Variants in ANKH observed in about 807,000 individuals in gnomAD.
The protein encoded by ANKH is mineralization regulator ANKH.
ANKH carries 15 observed loss-of-function variants against 49.0 expected under a neutral mutation model. The ratio of observed to expected loss-of-function variants is 0.31; its 90% CI spans 0.20 to 0.47. The LOEUF (loss-of-function observed/expected upper bound fraction) is 0.47, where lower values mean the gene tolerates loss of function less well. ANKH is among the 20% of genes least tolerant of loss of function. The pLI is 1.00. For missense variants in ANKH, 429 were observed against 652.0 expected (o/e 0.66, Z 3.72); for synonymous variants, 273 against 260.0 (o/e 1.05, Z -0.48).
chr5:14,724,650 G>A, intron 8 of ANKH: 1 of 891,020 alleles, frequency 1.1e-6, no homozygotes, highest in Non-Finnish European at 1.3e-6. Flanking sequence ...CTTGCAGAGT[G>A]GGCCATGCAT....
intron 1 of ANKH, among the ~76,000 whole-genome samples, chr5:14,769,679 T>A (rs1170369432): frequency 6.6e-6 from 1 of 152,044 alleles, no homozygotes; most frequent in Non-Finnish European, 1.5e-5. Context: ...ATACTGTGTA[T>A]GTGTTATGTA....
At chr5:14,791,841 C>G (rs258219) in intron 1 of ANKH, among the ~76,000 whole-genome samples, 116,056 of 152,120 alleles carry the variant, frequency 0.76, 44,390 homozygotes, top group South Asian at 0.86. Context: ...TACTTGAAGG[C>G]GCTCATCCAG....
chr5:14,842,281 G>A (rs181580205), intron 1 of ANKH, among the ~76,000 whole-genome samples: 7 of 152,192 alleles, frequency 4.6e-5, no homozygotes, highest in African/African-American at 1.2e-4. Flanking sequence ...CTGCACCTGC[G>A]GGGCCTGGAG....
At chr5:14,793,029 TATATAAAA>T (rs1348478885) in intron 1 of ANKH, among the ~76,000 whole-genome samples, 2 of 77,980 alleles carry the variant, frequency 2.6e-5, no homozygotes, top group East Asian at 4.9e-4. Context: ...TAAATATATA[TATATAAAA>T]ATATATATAT....
intron 1 of ANKH, among the ~76,000 whole-genome samples, chr5:14,778,009 C>T (rs1266215481): frequency 6.6e-6 from 1 of 152,186 alleles, no homozygotes; most frequent in Non-Finnish European, 1.5e-5. Context: ...CTCCAGTGAA[C>T]AGCACCTCCC....
intron 1 of ANKH, among the ~76,000 whole-genome samples, chr5:14,778,287 G>T (rs1739695829): frequency 6.6e-6 from 1 of 152,124 alleles, no homozygotes; most frequent in Admixed American, 6.5e-5. Flanking sequence ...TAGCCATATT[G>T]CTCTCTCATC....
intron 8 of ANKH, among the ~76,000 whole-genome samples, chr5:14,728,798 C>G (rs933231767): frequency 2.0e-5 from 3 of 152,218 alleles, no homozygotes; most frequent in African/African-American, 7.2e-5. Flanking sequence ...ATTCTGCTAC[C>G]TTCTAGCACA....
intron 8 of ANKH, among the ~76,000 whole-genome samples, chr5:14,736,974 G>A (rs1449542464): frequency 6.6e-6 from 1 of 152,228 alleles, no homozygotes; most frequent in East Asian, 1.9e-4. Context: ...GGGAGCTTGA[G>A]AAGATAAACA....
intron 2 of ANKH, among the ~76,000 whole-genome samples, chr5:14,761,877 T>C (rs1739097873): frequency 1.3e-5 from 2 of 151,998 alleles, no homozygotes; most frequent in Admixed American, 6.5e-5. Flanking sequence ...GCAATTCTCC[T>C]GTCTCAGCCT....
intron 1 of ANKH, among the ~76,000 whole-genome samples, chr5:14,808,305 A>G (rs575331490): frequency 1.1e-3 from 168 of 152,190 alleles, no homozygotes; most frequent in South Asian, 2.7e-3. Context: ...GTGATCTTTG[A>G]CCAAAAGCCA....
At chr5:14,712,433 T>G (rs1236458566) in intron 11 of ANKH, among the ~76,000 whole-genome samples, 1 of 152,366 alleles carries the variant, frequency 6.6e-6, no homozygotes, top group South Asian at 2.1e-4. Context: ...TCGGACTGCA[T>G]CTCTGCTCCG....
At chr5:14,758,718 G>C (rs1738981853) in intron 2 of ANKH, 120 bp from the exon 3 acceptor site, 2 of 819,716 alleles carry the variant, frequency 2.4e-6, no homozygotes, top group East Asian at 2.5e-5. Flanking sequence ...AGAAAAATTA[G>C]ATAAGCAAAT....
At chr5:14,833,968 G>A (rs908733909) in intron 1 of ANKH, among the ~76,000 whole-genome samples, 1 of 152,222 alleles carries the variant, frequency 6.6e-6, no homozygotes, top group East Asian at 1.9e-4. Flanking sequence ...GAATTGCACG[G>A]GGCTTACGTG....
intron 1 of ANKH, among the ~76,000 whole-genome samples, chr5:14,830,894 G>A (rs1203727961): frequency 6.6e-6 from 1 of 152,154 alleles, no homozygotes; most frequent in East Asian, 1.9e-4. Flanking sequence ...CAGGACTGAG[G>A]GTCACAGCCC....
intron 8 of ANKH, among the ~76,000 whole-genome samples, chr5:14,724,958 A>G (rs1737780545): frequency 1.3e-5 from 2 of 152,234 alleles, no homozygotes; most frequent in Admixed American, 6.5e-5. Context: ...TTATCCCTGC[A>G]GTTAGAAAAA....
rs773388808 is a variant in ANKH at position 14,709,765 on chromosome 5, GATACA to G, written c.*1427_*1431del. On this transcript the variant is annotated 3_prime_UTR_variant, in exon 12 of 12. Coordinates refer to ENST00000284268, the MANE Select transcript of ANKH (RefSeq NM_054027.6). ...CTGCCAATAAGGTACAATGTTCATT[GATACA>G]ATACGTTTCAACTGCAGGTATGTTG... The G allele has an allele frequency of 1.3e-5, 2 of 152,588 alleles. No homozygotes were observed. The highest frequency in any genetic ancestry group is 2.1e-4 in the South Asian group (1 of 4,838). 9.5% of individuals were successfully genotyped at this position (152,588 alleles called of 1,614,324 possible).
Position 14,712,967 on chromosome 5 carries a change from G to A in ANKH, c.1272C>T (p.His424=), listed in dbSNP as rs201295416. ...GGGAGCCCACGCCCAGGGTCGCACC[G>A]TGCACCCTGCAGATGAGAACACAAA... ...SLVVLPYLGV[H]GATLGVGSLL... is the part of the protein sequence containing the mutation. The change falls in exon 11 of 12, where the codon CAC becomes CAT. Residue 424 remains histidine (H), a synonymous_variant. Coordinates refer to ENST00000284268, the MANE Select transcript of ANKH (RefSeq NM_054027.6). 1.4e-4 allele frequency: 230 copies of A among 1,612,706 alleles called. 3 individuals carry two copies. In the South Asian group the frequency reaches 1.8e-3, roughly 12 times the overall value.
chr5:14,731,267 A>T (rs1737992537), intron 8 of ANKH, among the ~76,000 whole-genome samples: 1 of 152,176 alleles, frequency 6.6e-6, no homozygotes, highest in Admixed American at 6.5e-5. Flanking sequence ...CCTGGTGCAC[A>T]CAAGTGTCAT....
Position 14,716,813 on chromosome 5 carries a change from G to A in ANKH, c.1034C>T (p.Thr345Ile). The change falls in exon 9 of 12, where the codon ACA (threonine) becomes ATA (isoleucine). Residue 345 changes from threonine to isoleucine, a missense_variant. This residue lies in a region of ANKH where 378 missense variants were observed against 615.3 expected (regional missense o/e 0.61). Transcript: ENST00000284268. ...SLTLCFVMFW[T>I]PNVSEKILID... is the part of the protein sequence containing the mutation. The stretch of plus-strand genomic sequence containing the variant: ...CAAGATTTTCTCAGACACGTTGGGT[G>A]TCCAAAACATCACGAAACAGAGCTG... 1 of 1,614,100 alleles carries A rather than the reference G, an allele frequency of 6.2e-7. No homozygotes were observed. The highest frequency in any genetic ancestry group is 8.5e-7 in the Non-Finnish European group (1 of 1,179,932).
Sources: gnomAD v4.1 joint callset for allele counts (sites outside exome capture counted in the v4.1 genomes callset) on GRCh38, gnomAD v4.1.1 for gene constraint, gnomAD v4.1.1 regional missense constraint, MANE v1.5 for transcripts, NCBI Gene and HGNC (gene_info 2026-07-23, HGNC 2026-07-21) for gene names.